RANGAP1: variants seen among roughly 807,000 people sequenced by gnomAD.
The protein encoded by RANGAP1 is Ran GTPase activating protein 1, also known as ran GTPase-activating protein 1.
A neutral mutation model predicts 63.5 loss-of-function variants in RANGAP1; 38 were observed. The ratio of observed to expected loss-of-function variants is 0.60; its 90% CI spans 0.46 to 0.78. The LOEUF (loss-of-function observed/expected upper bound fraction) is 0.78. Ranked by LOEUF, RANGAP1 falls within the 30% of genes least tolerant of loss-of-function variation. The pLI is 0.00. For missense variants in RANGAP1, 630 were observed against 740.3 expected, an observed-to-expected ratio of 0.85 and a Z score of 1.73; for synonymous variants, 329 against 310.5, an observed-to-expected ratio of 1.06 and a Z score of -0.63.
At chr22:41,289,515 C>T (rs1023007992), upstream of RANGAP1, among the ~76,000 whole-genome samples, 21 of 151,764 alleles carry the variant, frequency 1.4e-4, no homozygotes, top group Middle Eastern at 3.4e-3. Context: ...CCCAGCTACT[C>T]GGGAGGCTGG....
intron 3 of RANGAP1, among the ~76,000 whole-genome samples, chr22:41,270,114 C>T (rs2034714167): frequency 6.6e-6 from 1 of 151,838 alleles, no homozygotes; most frequent in Admixed American, 6.6e-5. Flanking sequence ...GGATTACAGG[C>T]GTGAGCCACC....
chr22:41,264,385 C>T (rs1045401985), intron 5 of RANGAP1, among the ~76,000 whole-genome samples: 3 of 152,218 alleles, frequency 2.0e-5, no homozygotes, highest in Admixed American at 2.0e-4. Flanking sequence ...AGGGATGCCC[C>T]AAGCCCTGAG....
At chr22:41,253,105 T>C in intron 11 of RANGAP1, 114 bp from the exon 12 acceptor site, 2 of 1,137,390 alleles carry the variant, frequency 1.8e-6, no homozygotes, top group Non-Finnish European at 2.3e-6. Flanking sequence ...CCATCTAGGC[T>C]CAAAGTCTAG....
rs188596433 is a variant in RANGAP1, at chr22:41,247,542, G to T, written c.1695-870C>A. On this transcript the variant is annotated intron_variant, in intron 15 of 15. Transcript: ENST00000356244. ...AACTTTGTATTTTTTGTAGAGATGG[G>T]GTTTCACGAATGTTGCCCAGGCTGG... is the stretch of plus-strand genomic sequence containing the variant. Among the ~76,000 whole-genome samples, 596 of 152,280 alleles carry T rather than the reference G, an allele frequency of 3.9e-3. 3 individuals carry two copies. The highest frequency in any genetic ancestry group is 6.6e-3 in the Non-Finnish European group (449 of 68,034).
upstream of RANGAP1, among the ~76,000 whole-genome samples, chr22:41,289,350 A>T (rs984413025): frequency 6.6e-6 from 1 of 151,470 alleles, no homozygotes; most frequent in East Asian, 2.0e-4. Context: ...GGCCGGGCAC[A>T]GTGGCTCATG....
intron 4 of RANGAP1, 61 bp downstream of exon 4, chr22:41,268,036 G>C (rs1601660164): frequency 6.3e-6 from 9 of 1,428,800 alleles, no homozygotes; most frequent in Middle Eastern, 3.5e-4. Flanking sequence ...CATGAGAAAA[G>C]CCCTGGGAAT....
At chr22:41,269,390 A>G (rs1239252010) in intron 3 of RANGAP1, among the ~76,000 whole-genome samples, 1 of 152,216 alleles carries the variant, frequency 6.6e-6, no homozygotes, top group African/African-American at 2.4e-5. Flanking sequence ...CTAGTGTTCA[A>G]TAGGTCAACA....
At chr22:41,259,627 A>G (rs539668042) in intron 6 of RANGAP1, among the ~76,000 whole-genome samples, 4 of 152,344 alleles carry the variant, frequency 2.6e-5, no homozygotes, top group Admixed American at 1.3e-4. Context: ...ATATTTCTAT[A>G]TATCAGCAGT....
intron 2 of RANGAP1, chr22:41,280,640 G>C (rs1037526932): frequency 3.8e-6 from 5 of 1,313,756 alleles, no homozygotes; most frequent in South Asian, 2.5e-5. Flanking sequence ...GTCAGAGGCT[G>C]TATCTTGGGA....
Position 41,256,837 on chromosome 22 carries a change from A to T in RANGAP1, c.775-13T>A. On this transcript the variant is annotated splice_polypyrimidine_tract_variant and intron_variant, in intron 7 of 15. Coordinates refer to ENST00000356244, the MANE Select transcript of RANGAP1 (RefSeq NM_002883.4). ...AGGTCTTCAAGGTCTGTGAGGGGGA[A>T]GCAAGGGTCCAGAGTGAGGGTGCAG... 6.2e-7 allele frequency: 1 copy of T among 1,610,232 alleles called. No homozygotes were observed. The highest frequency in any genetic ancestry group is 8.5e-7 in the Non-Finnish European group (1 of 1,176,792).
rs182052163 is a variant in RANGAP1 at position 41,283,832 on chromosome 22, G to T, written c.-39+2154C>A. On this transcript the variant is annotated intron_variant, in intron 1 of 15. Transcript: ENST00000356244. ...GCTATAAGTGACAAGGAAAACCACT[G>T]AAGTTTTTAGCAGAAAGCAGATGTC... Among the ~76,000 whole-genome samples the T allele has an allele frequency of 1.2e-4, 18 of 152,338 alleles. No individual in the cohort carries two copies. The East Asian group carries it at 2.9e-3, about 24-fold the overall frequency.
At chr22:41,265,277 C>G (rs897717807) in intron 4 of RANGAP1, among the ~76,000 whole-genome samples, 1 of 152,136 alleles carries the variant, frequency 6.6e-6, no homozygotes, top group African/African-American at 2.4e-5. Flanking sequence ...CAGGCAAGAG[C>G]CTTGAATGCC....
At chr22:41,280,880 TAC>T (rs2035456823) in intron 2 of RANGAP1, 51 bp downstream of exon 2, 11 of 1,609,872 alleles carry the variant, frequency 6.8e-6, no homozygotes, top group African/African-American at 1.3e-5. Flanking sequence ...AAGAGTTCAG[TAC>T]ACTCCCTCTC....
chr22:41,261,443 C>T lies in RANGAP1; in HGVS notation c.615+3G>A, dbSNP rs775116116. ...AGGGGCAGGATGGACAGAAACCACTCACCCTAAAAGCTTCTGCCAAGGCAG... is the reference window on the plus strand; with the variant it reads ...AGGGGCAGGATGGACAGAAACCACTTACCCTAAAAGCTTCTGCCAAGGCAG... On this transcript the variant is annotated splice_donor_region_variant and intron_variant, in intron 6 of 15. Transcript: ENST00000356244. The T allele has an allele frequency of 6.2e-6, 10 of 1,614,094 alleles. No individual in the cohort carries two copies. The highest frequency in any genetic ancestry group is 7.6e-6 in the Non-Finnish European group (9 of 1,180,036).
chr22:41,294,671 C>A, the RANGAP1 span, among the ~76,000 whole-genome samples: 3 of 140,768 alleles, frequency 2.1e-5, no homozygotes, highest in South Asian at 7.2e-4. Flanking sequence ...GGCCGCCCAT[C>A]GTCTGAGATG....
At chr22:41,301,565 C>A in the RANGAP1 span, 1 of 151,994 alleles carries the variant, frequency 6.6e-6, no homozygotes, top group South Asian at 2.1e-4. Flanking sequence ...AGCGGCCAGC[C>A]GAGGGGCTGG....
rs1041021120 is a variant in RANGAP1 at position 41,246,113 on chromosome 22, C to T, written c.*490G>A. On this transcript the variant is annotated 3_prime_UTR_variant, in exon 16 of 16. Coordinates refer to ENST00000356244, the MANE Select transcript of RANGAP1 (RefSeq NM_002883.4). ...TGGATGGTAGGGGTGACAGCTGCCG[C>T]AGGACCAGGGCTTGGTGACGAGAAG... The T allele has an allele frequency of 8.2e-5, 14 of 170,742 alleles. No individual in the cohort carries two copies. Among genetic ancestry groups the T allele is most frequent in the Admixed American group, 2.9e-4 (5 of 17,424 alleles). 10.6% of individuals were successfully genotyped at this position (170,742 alleles called of 1,614,324 possible).
In RANGAP1 at chr22:41,261,599, G is replaced by C. The variant is rs745499240; in HGVS notation, c.481-19C>G. 1 of 1,613,984 alleles carries C rather than the reference G, an allele frequency of 6.2e-7. No individual in the cohort carries two copies. Among genetic ancestry groups the C allele is most frequent in the East Asian group, 2.2e-5 (1 of 44,896 alleles). ...CCAGGATCTGTGGGGAAAGGCAAGGGGCCCTGGTCATGGGCAGGAGCCCCT... is the reference window on the plus strand; with the variant it reads ...CCAGGATCTGTGGGGAAAGGCAAGGCGCCCTGGTCATGGGCAGGAGCCCCT... On this transcript the variant is annotated intron_variant, in intron 5 of 15. Transcript: ENST00000356244.
chr22:41,274,615 C>G lies in RANGAP1; in HGVS notation c.225G>C (p.Lys75Asn). The G allele has an allele frequency of 6.2e-7, 1 of 1,614,160 alleles. No homozygotes were observed. The highest frequency in any genetic ancestry group is 1.1e-5 in the South Asian group (1 of 91,078). ...AARVIAKALE[K>N]KSELKRCHWS... ...CTCTGCTCACCTTCAACTCCGACTTCTTCTCTAAGGCCTTGGCGATGACCC... is the reference window on the plus strand; with the variant it reads ...CTCTGCTCACCTTCAACTCCGACTTGTTCTCTAAGGCCTTGGCGATGACCC... Residue 75 changes from lysine to asparagine, a missense_variant, in exon 3 of 16, where the codon AAG (lysine) becomes AAC (asparagine). Lys to Asn is a moderately conservative substitution (Grantham distance 94). This residue lies in a region of RANGAP1 where 137 missense variants were observed against 214.3 expected (regional missense o/e 0.64). Transcript: ENST00000356244.
Sources: gnomAD v4.1 joint callset for allele counts (sites outside exome capture counted in the v4.1 genomes callset) on GRCh38, gnomAD v4.1.1 for gene constraint, gnomAD v4.1.1 regional missense constraint, MANE v1.5 for transcripts, NCBI Gene and HGNC (gene_info 2026-07-23, HGNC 2026-07-21) for gene names.